ITPR1: variants seen among roughly 807,000 people sequenced by gnomAD.
ITPR1 encodes inositol 1,4,5-trisphosphate-gated calcium channel ITPR1.
Under a neutral mutation model 318.4 loss-of-function variants are expected in ITPR1, and 96 were observed. The ratio of observed to expected loss-of-function variants is 0.30; its 90% confidence interval spans 0.26 to 0.36. The LOEUF is 0.36. Ranked by LOEUF, ITPR1 falls within the 10% of genes least tolerant of loss-of-function variation. ITPR1 has a pLI of 1.00. For missense variants in ITPR1, 2,440 were observed against 3,460.2 expected (o/e 0.71, Z 7.40); for synonymous variants, 1,312 against 1,289.9 (o/e 1.02, Z -0.37).
chr3:4,507,055 C>A (rs1460115406), intron 2 of ITPR1, among the ~76,000 whole-genome samples: 1 of 148,062 alleles, frequency 6.8e-6, no homozygotes, highest in Non-Finnish European at 1.5e-5. Flanking sequence ...TTTTAATGAA[C>A]AATAAGAATA....
At chr3:4,756,340 T>C (rs142069560) in intron 44 of ITPR1, among the ~76,000 whole-genome samples, 21 of 152,210 alleles carry the variant, frequency 1.4e-4, no homozygotes, top group Non-Finnish European at 2.8e-4. Context: ...TTTTAACTTT[T>C]ACTTTAGGTT....
At chr3:4,832,754 TTC>T in intron 60 of ITPR1, among the ~76,000 whole-genome samples, 1 of 152,366 alleles carries the variant, frequency 6.6e-6, no homozygotes, top group Middle Eastern at 3.4e-3. Flanking sequence ...GATGCATTAT[TTC>T]TTTTTATGGC....
chr3:4,568,038 G>A (rs760885545), intron 4 of ITPR1, among the ~76,000 whole-genome samples: 2 of 152,200 alleles, frequency 1.3e-5, no homozygotes, highest in African/African-American at 4.8e-5. Flanking sequence ...TGAAATCTAT[G>A]CCAAAGTCGG....
At chr3:4,745,343 G>A (rs186703725) in intron 44 of ITPR1, among the ~76,000 whole-genome samples, 64 of 152,152 alleles carry the variant, frequency 4.2e-4, no homozygotes, top group African/African-American at 1.4e-3. Context: ...GATTCGGGAC[G>A]CAGACAAAGC....
At chr3:4,621,929 C>G (rs370569455) in intron 4 of ITPR1, among the ~76,000 whole-genome samples, 1 of 152,202 alleles carries the variant, frequency 6.6e-6, no homozygotes. Context: ...GTGTTGCCTC[C>G]CCACCTCAGC....
chr3:4,727,512 A>T (rs571842688), intron 42 of ITPR1, among the ~76,000 whole-genome samples: 13 of 152,202 alleles, frequency 8.5e-5, no homozygotes, highest in Non-Finnish European at 1.9e-4. Flanking sequence ...TTATAATTTT[A>T]AAAAAATGGA....
At chr3:4,516,080 C>G (rs1216040993) in intron 2 of ITPR1, among the ~76,000 whole-genome samples, 1 of 152,198 alleles carries the variant, frequency 6.6e-6, no homozygotes. Context: ...TTCCCTGAAG[C>G]AAATTGAATA....
chr3:4,508,598 G>GAA lies in ITPR1; in HGVS notation c.-16-7868_-16-7867dup, dbSNP rs555627824. Among the ~76,000 whole-genome samples, 1,271 of 145,024 alleles carry GAA rather than the reference G, an allele frequency of 8.8e-3. 15 individuals carry two copies. Among genetic ancestry groups the GAA allele is most frequent in the African/African-American group, 0.03 (1,203 of 39,686 alleles). On this transcript the variant is annotated intron_variant, in intron 2 of 61. Transcript: ENST00000649015. The stretch of plus-strand genomic sequence containing the variant: ...TTTTCTATCACACTAAAAGCTTTTA[G>GAA]AAAAAAAAAAATTCCAAACCTATCT...
intron 20 of ITPR1, 136 bp downstream of exon 20, chr3:4,671,062 G>A (rs1204676033): frequency 2.0e-5 from 13 of 646,060 alleles, no homozygotes; most frequent in South Asian, 1.2e-4. Flanking sequence ...AAAGCCAGAT[G>A]TGTGTTTTAG....
At chr3:4,825,419 G>A (rs1256296592) in intron 60 of ITPR1, among the ~76,000 whole-genome samples, 2 of 152,164 alleles carry the variant, frequency 1.3e-5, no homozygotes, top group East Asian at 1.9e-4. Flanking sequence ...CCTGAAAAAT[G>A]CTTTCCTGAG....
intron 2 of ITPR1, among the ~76,000 whole-genome samples, chr3:4,495,705 C>T (rs1034985136): frequency 2.6e-5 from 4 of 152,168 alleles, no homozygotes; most frequent in African/African-American, 7.2e-5. Context: ...AAACCCTGTG[C>T]GTCAGATGCA....
At chr3:4,825,901 T>G in intron 60 of ITPR1, 1 of 404,078 alleles carries the variant, frequency 2.5e-6, no homozygotes, top group Non-Finnish European at 5.0e-6. Flanking sequence ...GACCTAGGTT[T>G]GGGGGAAAAG....
chr3:4,526,053 C>T lies in ITPR1; in HGVS notation c.163+4959C>T, dbSNP rs141488922. Among the ~76,000 whole-genome samples the T allele has an allele frequency of 8.2e-3, 1,251 of 152,272 alleles. 13 individuals carry two copies. The highest frequency in any genetic ancestry group is 0.028 in the African/African-American group (1,144 of 41,546). The stretch of plus-strand genomic sequence containing the variant: ...GATCATGCCATTATTGCATAAGATT[C>T]GGGCAACAGTCAGGCTCTTGCTTTC... On this transcript the variant is annotated intron_variant, in intron 4 of 61. Coordinates refer to ENST00000649015, the MANE Select transcript of ITPR1 (RefSeq NM_001378452.1).
chr3:4,691,947 T>C (rs543409142), intron 32 of ITPR1, among the ~76,000 whole-genome samples: 6 of 152,036 alleles, frequency 3.9e-5, no homozygotes, highest in African/African-American at 1.4e-4. Context: ...AGGCCAGGAG[T>C]ACAGGACCAG....
chr3:4,584,051 A>G (rs1246216336), intron 4 of ITPR1, among the ~76,000 whole-genome samples: 3 of 151,906 alleles, frequency 2.0e-5, no homozygotes, highest in African/African-American at 4.8e-5. Flanking sequence ...CATTCTTTCT[A>G]TCTCTTTGGG....
rs779109032 is a variant in ITPR1 at position 4,806,170 on chromosome 3, G to A, written c.7175G>A (p.Arg2392Gln). The A allele has an allele frequency of 4.3e-6, 7 of 1,613,704 alleles. No individual in the cohort carries two copies. The highest frequency in any genetic ancestry group is 2.2e-5 in the East Asian group (1 of 44,902). ...TGTGGGACATTCACAAGAGGCTACC[G>A]AGCCATGGTTCTGGATGTTGAGTTC... is the stretch of plus-strand genomic sequence containing the variant. ...GNCGTFTRGY[R>Q]AMVLDVEFLY... Residue 2392 changes from arginine to glutamine, a missense_variant, in exon 55 of 62, where the codon CGA becomes CAA. Physicochemically the swap from Arg to Gln is conservative, Grantham distance 43. Coordinates refer to ENST00000649015, the MANE Select transcript of ITPR1 (RefSeq NM_001378452.1).
At chr3:4,605,577 G>A (rs1475707329) in intron 4 of ITPR1, among the ~76,000 whole-genome samples, 1 of 152,112 alleles carries the variant, frequency 6.6e-6, no homozygotes, top group Non-Finnish European at 1.5e-5. Flanking sequence ...CTCTAAAATG[G>A]TTCAGGAAGT....
intron 4 of ITPR1, among the ~76,000 whole-genome samples, chr3:4,555,021 C>G (rs138040752): frequency 6.6e-6 from 1 of 152,082 alleles, no homozygotes; most frequent in Non-Finnish European, 1.5e-5. Flanking sequence ...TGGAACTGTA[C>G]CCGCGGAATG....
At chr3:4,563,035 G>A (rs1054666762) in intron 4 of ITPR1, among the ~76,000 whole-genome samples, 16 of 152,194 alleles carry the variant, frequency 1.1e-4, no homozygotes, top group South Asian at 2.1e-4. Context: ...ACACTTACAA[G>A]TTTAGGAAGA....
Sources: allele counts gnomAD v4.1 joint callset (sites outside exome capture counted in the v4.1 genomes callset), GRCh38; gene constraint gnomAD v4.1.1; transcripts MANE v1.5; gene names NCBI Gene and HGNC (gene_info 2026-07-23, HGNC 2026-07-21).